BICC1: variants seen among roughly 807,000 people sequenced by gnomAD.
BICC1 encodes BicC family RNA binding protein 1.
A neutral mutation model predicts 111.0 loss-of-function variants in BICC1; 43 were observed. The ratio of observed to expected loss-of-function variants is 0.39; its 90% confidence interval spans 0.30 to 0.50. The LOEUF (loss-of-function observed/expected upper bound fraction) is 0.50, where lower values mean the gene tolerates loss of function less well. BICC1 is among the 20% of genes least tolerant of loss of function. The pLI is 0.88. For synonymous variants in BICC1, 467 were observed against 434.4 expected (o/e 1.07, Z -0.93); for missense variants, 1,091 against 1,203.2 (o/e 0.91, Z 1.38).
rs1479144538 is a variant in BICC1 at position 58,830,793 on chromosome 10, A to C, written c.*1902A>C. ...CCTGTGCATATGTGTACAAATGGTCATGTGGATCATGTGATGATCATCCAT... is the reference window on the plus strand; with the variant it reads ...CCTGTGCATATGTGTACAAATGGTCCTGTGGATCATGTGATGATCATCCAT... On this transcript the variant is annotated 3_prime_UTR_variant, in exon 21 of 21. Transcript: ENST00000373886. 6.6e-6 allele frequency: 1 copy of C among 152,220 alleles called. No homozygotes were observed. Among genetic ancestry groups the C allele is most frequent in the Non-Finnish European group, 1.5e-5 (1 of 68,030 alleles). 9.4% of individuals were successfully genotyped at this position (152,220 alleles called of 1,614,324 possible).
At chr10:58,728,587 A>G (rs1175573037) in intron 3 of BICC1, among the ~76,000 whole-genome samples, 2 of 152,132 alleles carry the variant, frequency 1.3e-5, no homozygotes, top group Non-Finnish European at 1.5e-5. Flanking sequence ...ACCTCCTCCT[A>G]TGAATCATGA....
chr10:58,535,421 T>C (rs898350596), intron 1 of BICC1, among the ~76,000 whole-genome samples: 1 of 151,672 alleles, frequency 6.6e-6, no homozygotes, highest in African/African-American at 2.4e-5. Context: ...ATTGGGGTCA[T>C]TTTTTAGTCT....
Position 58,702,077 on chromosome 10 carries a change from A to T in BICC1, c.241A>T (p.Met81Leu). 6.2e-7 allele frequency: 1 copy of T among 1,611,882 alleles called. No homozygotes were observed. The highest frequency in any genetic ancestry group is 1.1e-5 in the South Asian group (1 of 90,836). ...TTTCTCTCAATTTTTGTTACAGATC[A>T]TGGAGGAAACAAATACGCAGATTGC... ...RSGEDFFQKI[M>L]EETNTQIAWP... Residue 81 changes from methionine to leucine, a missense_variant, in exon 3 of 21, where the codon ATG (methionine) becomes TTG (leucine). Met to Leu is a conservative substitution (Grantham distance 15). Coordinates refer to ENST00000373886, the MANE Select transcript of BICC1 (RefSeq NM_001080512.3).
chr10:58,536,024 A>T lies in BICC1; in HGVS notation c.190+22691A>T, dbSNP rs118176696. Among the ~76,000 whole-genome samples, 1,256 of 151,754 alleles carry T rather than the reference A, an allele frequency of 8.3e-3. 8 individuals carry two copies. The highest frequency in any genetic ancestry group is 0.013 in the Non-Finnish European group (867 of 67,678). ...TAAAAGGATCCAATTCATGAAGAAG[A>T]TAAAATAATTCTAAATATATATGCA... On this transcript the variant is annotated intron_variant, in intron 1 of 20. Coordinates refer to ENST00000373886, the MANE Select transcript of BICC1 (RefSeq NM_001080512.3).
At chr10:58,520,668 A>G (rs1649028) in intron 1 of BICC1, among the ~76,000 whole-genome samples, 81,996 of 151,902 alleles carry the variant, frequency 0.54, 23,190 homozygotes, top group African/African-American at 0.71. Flanking sequence ...TCTTATATAG[A>G]AAGGTGATTA....
chr10:58,803,308 A>C (rs1438229771), intron 15 of BICC1, 66 bp downstream of exon 15: 6 of 1,381,750 alleles, frequency 4.3e-6, no homozygotes, highest in Non-Finnish European at 5.8e-6. Flanking sequence ...TGGAGAATTC[A>C]GTGAGTGTTC....
chr10:58,620,813 A>G (rs775893462), intron 1 of BICC1, 42 bp from the exon 2 acceptor site: 2 of 1,588,466 alleles, frequency 1.3e-6, no homozygotes, highest in Non-Finnish European at 1.7e-6. Context: ...TTGAATGCAT[A>G]CATTGAAAAA....
chr10:58,650,049 C>G (rs180977109), intron 2 of BICC1: 2 of 152,174 alleles, frequency 1.3e-5, no homozygotes, highest in East Asian at 1.9e-4. Context: ...TGAAACAATA[C>G]TTATATGTAA....
chr10:58,575,538 A>T (rs1230399052), intron 1 of BICC1, among the ~76,000 whole-genome samples: 1 of 150,826 alleles, frequency 6.6e-6, no homozygotes, highest in African/African-American at 2.4e-5. Context: ...TAAAGGTTAC[A>T]GTCTTATTGC....
chr10:58,567,117 G>A (rs1015072744), intron 1 of BICC1, among the ~76,000 whole-genome samples: 1 of 152,134 alleles, frequency 6.6e-6, no homozygotes, highest in African/African-American at 2.4e-5. Flanking sequence ...GCATAGTGGT[G>A]GGTTAGGCCA....
chr10:58,541,822 G>A (rs1406688737), intron 1 of BICC1, among the ~76,000 whole-genome samples: 1 of 142,716 alleles, frequency 7.0e-6, no homozygotes, highest in Non-Finnish European at 1.5e-5. Flanking sequence ...CAAATCCATA[G>A]CAATCAAAAT....
chr10:58,772,365 T>A (rs1357287989), intron 3 of BICC1, among the ~76,000 whole-genome samples: 1 of 152,214 alleles, frequency 6.6e-6, no homozygotes, highest in Non-Finnish European at 1.5e-5. Flanking sequence ...TACTGTTTTC[T>A]CCTGTGTCTC....
intron 7 of BICC1, 23 bp downstream of exon 7, chr10:58,789,479 C>A: frequency 6.3e-7 from 1 of 1,587,292 alleles, no homozygotes. Flanking sequence ...GATAATTCTG[C>A]ACATCCTATA....
intron 3 of BICC1, among the ~76,000 whole-genome samples, chr10:58,747,916 G>T (rs944095541): frequency 2.0e-5 from 3 of 152,224 alleles, no homozygotes; most frequent in East Asian, 1.9e-4. Flanking sequence ...TATGGTCTTT[G>T]TATGCTTTCG....
intron 1 of BICC1, among the ~76,000 whole-genome samples, chr10:58,615,445 G>A (rs998535721): frequency 6.6e-6 from 1 of 152,164 alleles, no homozygotes; most frequent in Non-Finnish European, 1.5e-5. Context: ...GCCACATGAG[G>A]CGCATTAGGT....
intron 1 of BICC1, among the ~76,000 whole-genome samples, chr10:58,604,472 A>G (rs1266939417): frequency 6.6e-6 from 1 of 152,106 alleles, no homozygotes; most frequent in Non-Finnish European, 1.5e-5. Flanking sequence ...GATCAAGACC[A>G]TCCTGATCCA....
At chr10:58,678,373 CA>C (rs1312236336) in intron 2 of BICC1, among the ~76,000 whole-genome samples, 2 of 150,962 alleles carry the variant, frequency 1.3e-5, no homozygotes, top group African/African-American at 2.4e-5. Flanking sequence ...AAATGGAAAG[CA>C]AAAAAAAGCA....
intron 17 of BICC1, among the ~76,000 whole-genome samples, chr10:58,808,092 T>C (rs1303451457): frequency 6.6e-6 from 1 of 150,856 alleles, no homozygotes; most frequent in Non-Finnish European, 1.5e-5. Context: ...TTTTTTTGTC[T>C]CTTTTGAGTA....
rs190986373 is a variant in BICC1, at chr10:58,580,661, C to T, written c.191-40194C>T. Among the ~76,000 whole-genome samples, 15 of 152,272 alleles carry T rather than the reference C, an allele frequency of 9.9e-5. No homozygotes were observed. The East Asian group carries it at 2.9e-3, about 29-fold the overall frequency. ...GCTTATTAGAAGCTCTTAACTTAAA[C>T]TTCATGCTTGTTGATTAATAACTTC... On this transcript the variant is annotated intron_variant, in intron 1 of 20. Transcript: ENST00000373886.
Sources: allele counts gnomAD v4.1 joint callset (sites outside exome capture counted in the v4.1 genomes callset), GRCh38; gene constraint gnomAD v4.1.1; transcripts MANE v1.5; gene names NCBI Gene and HGNC (gene_info 2026-07-23, HGNC 2026-07-21).